The following SLC39A11 variants were observed in gnomAD, a reference collection of about 807,000 sequenced individuals.
SLC39A11 encodes the protein zinc transporter ZIP11.
In SLC39A11, 33 loss-of-function variants were observed where a neutral mutation model predicts 36.1. The ratio of observed to expected loss-of-function variants is 0.91; its 90% confidence interval spans 0.69 to 1.22. SLC39A11 has a LOEUF of 1.22. SLC39A11 is among the 50% of genes most tolerant of loss of function. The probability of loss-of-function intolerance (pLI) is 0.00; values close to 1 mark genes in which losing one functional copy is unlikely to be tolerated. For missense variants in SLC39A11, 432 were observed against 430.3 expected (o/e 1.00, Z -0.03); for synonymous variants, 166 against 170.3 (o/e 0.97, Z 0.20).
chr17:73,062,475 A>AAAAAAAAAC lies in SLC39A11; in HGVS notation c.147+22332_147+22333insGTTTTTTTT, dbSNP rs56021607. Among the ~76,000 whole-genome samples the AAAAAAAAAC allele has an allele frequency of 1.2e-3, 103 of 87,042 alleles. 10 individuals are homozygous for AAAAAAAAAC. Among genetic ancestry groups the AAAAAAAAAC allele is most frequent in the African/African-American group, 2.8e-3 (62 of 21,920 alleles). The allele number at this position is 87,042 out of a possible 152,430, so 57.1% of individuals were successfully genotyped here. Reference sequence around the variant, plus strand: ...AGAGCTTGTCTCAAAAAAAAAAAAAAAAACTTTAGGTGATACACTTCTGCT... The same window carrying AAAAAAAAAC: ...AGAGCTTGTCTCAAAAAAAAAAAAAAAAAAAAAACAAACTTTAGGTGATACACTTCTGCT... On this transcript the variant is annotated intron_variant, in intron 3 of 9. Coordinates refer to ENST00000255559, the MANE Select transcript of SLC39A11 (RefSeq NM_139177.4).
intron 6 of SLC39A11, among the ~76,000 whole-genome samples, chr17:72,843,872 A>G (rs940878392): frequency 6.6e-6 from 1 of 152,162 alleles, no homozygotes; most frequent in African/African-American, 2.4e-5. Context: ...AGACGTGTGC[A>G]TATGCCTTCG....
intron 6 of SLC39A11, among the ~76,000 whole-genome samples, chr17:72,777,327 G>A (rs2076169222): frequency 6.6e-6 from 1 of 152,136 alleles, no homozygotes. Flanking sequence ...TGTAAATCAT[G>A]CCAGGGAATA....
At position 73,030,134 on chromosome 17, in the gene SLC39A11, T is replaced by A. The variant is rs557978863; in HGVS notation, c.306+1422A>T. ...GGTTTGTGCTCCATTGAGAATCTAA[T>A]GCCACGGCTGATCTGACAGGAGGCG... On this transcript the variant is annotated intron_variant, in intron 4 of 9. Transcript: ENST00000255559. Among the ~76,000 whole-genome samples the A allele has an allele frequency of 3.9e-5, 6 of 152,340 alleles. No individual in the cohort carries two copies. The East Asian group carries it at 1.2e-3, about 29-fold the overall frequency.
intron 4 of SLC39A11, among the ~76,000 whole-genome samples, chr17:73,023,895 C>T (rs1483601371): frequency 6.6e-6 from 1 of 152,088 alleles, no homozygotes; most frequent in Non-Finnish European, 1.5e-5. Context: ...AGCACAGAGG[C>T]AAGACTGTGT....
intron 5 of SLC39A11, among the ~76,000 whole-genome samples, chr17:72,908,223 C>T (rs557475895): frequency 1.3e-5 from 2 of 152,352 alleles, no homozygotes; most frequent in Admixed American, 6.5e-5. Flanking sequence ...GGGATGTTAA[C>T]CAGCCAGCCT....
intron 7 of SLC39A11, among the ~76,000 whole-genome samples, chr17:72,708,476 C>T (rs556539159): frequency 2.6e-5 from 4 of 152,284 alleles, no homozygotes; most frequent in African/African-American, 2.4e-5. Flanking sequence ...GCAAATTCTT[C>T]GTAACAAATC....
At chr17:73,063,907 C>T (rs1199654332) in intron 3 of SLC39A11, among the ~76,000 whole-genome samples, 1 of 152,154 alleles carries the variant, frequency 6.6e-6, no homozygotes, top group African/African-American at 2.4e-5. Context: ...GTGTCCCTTC[C>T]TCCATCTTAA....
chr17:72,688,105 T>C (rs1267809438), intron 7 of SLC39A11, among the ~76,000 whole-genome samples: 4 of 152,182 alleles, frequency 2.6e-5, no homozygotes, highest in Non-Finnish European at 5.9e-5. Flanking sequence ...GATTAACGAC[T>C]ACGAACTTCA....
At chr17:72,895,840 T>C (rs1162858976) in intron 5 of SLC39A11, among the ~76,000 whole-genome samples, 3 of 152,204 alleles carry the variant, frequency 2.0e-5, no homozygotes, top group African/African-American at 7.2e-5. Context: ...CTGTGAAGAA[T>C]AGTTGGAAAG....
chr17:72,839,936 A>G (rs917166749), intron 6 of SLC39A11, among the ~76,000 whole-genome samples: 1 of 152,220 alleles, frequency 6.6e-6, no homozygotes, highest in African/African-American at 2.4e-5. Flanking sequence ...AAGCTTAAAA[A>G]AGGCAAGAAT....
At chr17:73,017,127 C>T (rs903108) in intron 4 of SLC39A11, among the ~76,000 whole-genome samples, 132,127 of 152,182 alleles carry the variant, frequency 0.87, 58,339 homozygotes, top group Middle Eastern at 0.94. Flanking sequence ...CAGAGAGAAA[C>T]GAGGGGGAAA....
At chr17:72,649,085 C>A in intron 8 of SLC39A11, 85 bp downstream of exon 8, 2 of 1,546,934 alleles carry the variant, frequency 1.3e-6, no homozygotes, top group Admixed American at 1.8e-5. Flanking sequence ...CTGAGCATGG[C>A]AGTGCAAAAG....
At chr17:72,912,586 C>G (rs777807065) in intron 5 of SLC39A11, among the ~76,000 whole-genome samples, 18 of 151,972 alleles carry the variant, frequency 1.2e-4, no homozygotes, top group Non-Finnish European at 2.4e-4. Flanking sequence ...GCCACCACAC[C>G]AAGCTCAAGG....
chr17:72,707,417 G>T (rs939610115), intron 7 of SLC39A11, among the ~76,000 whole-genome samples: 2 of 151,076 alleles, frequency 1.3e-5, no homozygotes, highest in Non-Finnish European at 3.0e-5. Flanking sequence ...CCGAATGACA[G>T]ATGTCTCAAA....
intron 4 of SLC39A11, among the ~76,000 whole-genome samples, chr17:72,950,085 C>A (rs1324037266): frequency 6.6e-6 from 1 of 152,036 alleles, no homozygotes; most frequent in Non-Finnish European, 1.5e-5. Context: ...CTGCTTCCAA[C>A]CAAATGTTGA....
At position 73,032,895 on chromosome 17, in the gene SLC39A11, C is replaced by T. The variant is rs193114983; in HGVS notation, c.148-1181G>A. 4.5e-4 allele frequency among the ~76,000 whole-genome samples: 68 copies of T among 152,280 alleles called. No individual in the cohort carries two copies. In the East Asian group the frequency reaches 5.8e-3, roughly 13 times the overall value. On this transcript the variant is annotated intron_variant, in intron 3 of 9. Transcript: ENST00000255559. ...CAGAGGCAGATGATGTTTTCTATTGCGATTTGTAGATAAAGAAATTGGATC... is the reference window on the plus strand; with the variant it reads ...CAGAGGCAGATGATGTTTTCTATTGTGATTTGTAGATAAAGAAATTGGATC...
intron 4 of SLC39A11, among the ~76,000 whole-genome samples, chr17:72,970,102 T>C (rs936603645): frequency 3.3e-5 from 5 of 152,232 alleles, no homozygotes; most frequent in African/African-American, 2.4e-5. Context: ...CCATTTAGAC[T>C]TTCATCTTTC....
chr17:72,947,586 G>T, intron 5 of SLC39A11, 166 bp downstream of exon 5: 1 of 955,204 alleles, frequency 1.0e-6, no homozygotes, highest in Non-Finnish European at 1.6e-6. Context: ...TGCTGGGCCA[G>T]ATGCCAGTTT....
intron 4 of SLC39A11, among the ~76,000 whole-genome samples, chr17:73,023,780 C>T (rs1002110935): frequency 6.6e-6 from 1 of 152,228 alleles, no homozygotes; most frequent in Admixed American, 6.5e-5. Flanking sequence ...TGAGCCACCA[C>T]ACCCGGTCCC....
Sources: gnomAD v4.1 joint callset for allele counts (sites outside exome capture counted in the v4.1 genomes callset) on GRCh38, gnomAD v4.1.1 for gene constraint, MANE v1.5 for transcripts, NCBI Gene and HGNC (gene_info 2026-07-23, HGNC 2026-07-21) for gene names.